Variants in ISLR2 observed in about 807,000 individuals in gnomAD.
The protein encoded by ISLR2 is immunoglobulin superfamily containing leucine rich repeat 2.
In ISLR2, 16 loss-of-function variants were observed where a neutral mutation model predicts 25.5. That is an observed-to-expected ratio of 0.63 (90% CI 0.43 to 0.95). ISLR2 has a LOEUF of 0.95. Among genes scored for constraint, ISLR2 ranks in the 40% least tolerant of loss-of-function variants. ISLR2 has a pLI of 0.00. For missense variants in ISLR2, 883 were observed against 1,030.7 expected (o/e 0.86, Z 1.96); for synonymous variants, 508 against 486.6 (o/e 1.04, Z -0.58).
intron 2 of ISLR2, among the ~76,000 whole-genome samples, chr15:74,110,073 A>G (rs1384775353): frequency 6.6e-6 from 1 of 152,182 alleles, no homozygotes; most frequent in Non-Finnish European, 1.5e-5. Flanking sequence ...CTTTTTAAAT[A>G]CATGTATTTA....
upstream of ISLR2, chr15:74,129,206 A>C (rs1318754850): frequency 5.3e-6 from 2 of 377,462 alleles, no homozygotes. This position sits in a 1 kb window ranked among gnomAD's most constrained non-coding sequence, Gnocchi z 4.5. Flanking sequence ...TAGCGACGGC[A>C]GGAGTAGGGG....
chr15:74,102,553 C>A (rs1020411054), intron 1 of ISLR2, among the ~76,000 whole-genome samples: 1 of 150,742 alleles, frequency 6.6e-6, no homozygotes, highest in Admixed American at 6.6e-5. Context: ...ACTTGCAAGG[C>A]TTGTGAAATG....
chr15:74,123,131 G>T (rs1384686859), upstream of ISLR2, among the ~76,000 whole-genome samples: 6 of 152,112 alleles, frequency 3.9e-5, no homozygotes, highest in African/African-American at 1.2e-4. Flanking sequence ...AGAGCCTTTG[G>T]TAAGTGTTTT....
At position 74,133,653 on chromosome 15, in the gene ISLR2, G is replaced by T; in HGVS notation, c.899G>T (p.Gly300Val). 6.2e-7 allele frequency: 1 copy of T among 1,612,312 alleles called. No homozygotes were observed. The highest frequency in any genetic ancestry group is 8.5e-7 in the Non-Finnish European group (1 of 1,179,296). Reference protein sequence around the residue: ...GEDDGVGAEEGEGEGDGDLLT... With the variant: ...GEDDGVGAEEVEGEGDGDLLT... ...GACGACGGGGTTGGGGCGGAGGAAG[G>T]AGAGGGAGAAGGAGATGGGGATTTG... The change falls in exon 3 of 3, where the codon GGA becomes GTA. Residue 300 changes from glycine (G) to valine (V), a missense_variant. By Grantham distance (109) the Gly-to-Val change is moderately radical. Around this residue, in one of 2 missense-constraint regions of ISLR2, gnomAD observed 612 missense variants for 642.8 expected, o/e 0.95. Coordinates refer to ENST00000453268, the MANE Select transcript of ISLR2 (RefSeq NM_020851.3).
intron 2 of ISLR2, chr15:74,131,873 T>C (rs1165362058): frequency 6.6e-6 from 1 of 152,258 alleles, no homozygotes; most frequent in Non-Finnish European, 1.5e-5. Context: ...TGGCCTTAGA[T>C]GCAGTAGGGC....
downstream of ISLR2, among the ~76,000 whole-genome samples, chr15:74,139,199 A>G (rs553902575): frequency 1.3e-3 from 204 of 152,182 alleles, 3 homozygotes; most frequent in South Asian, 0.01. Context: ...GGCTCCAACC[A>G]CAGGTAGGAA....
downstream of ISLR2, among the ~76,000 whole-genome samples, chr15:74,137,943 CTTTTT>C (rs1043527263): frequency 1.3e-5 from 2 of 150,068 alleles, no homozygotes. Context: ...TGTTTTCTTT[CTTTTT>C]TTTTTATTTT....
intron 2 of ISLR2, chr15:74,131,966 C>G (rs2072430776): frequency 6.6e-6 from 1 of 152,262 alleles, no homozygotes; most frequent in Admixed American, 6.5e-5. Flanking sequence ...GTTTCGGTCA[C>G]AGTGGAGGGC....
Position 74,134,924 on chromosome 15 carries a change from C to A in ISLR2, c.2170C>A (p.Pro724Thr), listed in dbSNP as rs76616042. The part of the protein sequence containing the change: ...EAGSEYSDRL[P>T]LGAEAVNIAQ... Reference sequence around the variant, plus strand: ...GGGCTCTGAGTACAGCGATCGGCTGCCCCTGGGCGCCGAGGCGGTCAACAT... The same window carrying A: ...GGGCTCTGAGTACAGCGATCGGCTGACCCTGGGCGCCGAGGCGGTCAACAT... Residue 724 changes from proline to threonine, a missense_variant, in exon 3 of 3, where the codon CCC (proline) becomes ACC (threonine). Transcript: ENST00000453268. The A allele has an allele frequency of 6.2e-7, 1 of 1,613,438 alleles. No individual in the cohort carries two copies. Among genetic ancestry groups the A allele is most frequent in the Non-Finnish European group, 8.5e-7 (1 of 1,179,944 alleles).
At chr15:74,103,978 A>G (rs964286395) in intron 2 of ISLR2, 5 of 152,140 alleles carry the variant, frequency 3.3e-5, no homozygotes, top group Non-Finnish European at 5.9e-5. Context: ...TCTTTTCTTT[A>G]TAAATTACCC....
At chr15:74,111,223 GA>G (rs890849362) in intron 2 of ISLR2, among the ~76,000 whole-genome samples, 8 of 148,750 alleles carry the variant, frequency 5.4e-5, no homozygotes, top group Non-Finnish European at 1.0e-4. Context: ...TTGCTGAGTA[GA>G]AAAAAAAAGC....
rs1271757410 is a variant in ISLR2, at chr15:74,134,254, G to A, written c.1500G>A (p.Val500=). ...ALDVAEREAR[V]QLTPLAARWG... ...ATGTGGCGGAGCGCGAGGCGCGGGT[G>A]CAGCTGACTCCGCTGGCTGCGCGCT... Residue 500 remains valine (V), a synonymous_variant, in exon 3 of 3, where the codon GTG becomes GTA. Coordinates refer to ENST00000453268, the MANE Select transcript of ISLR2 (RefSeq NM_020851.3). 6.4e-7 allele frequency: 1 copy of A among 1,574,732 alleles called. No individual in the cohort carries two copies. Among genetic ancestry groups the A allele is most frequent in the African/African-American group, 1.4e-5 (1 of 74,044 alleles).
chr15:74,133,969 C>T lies in ISLR2; in HGVS notation c.1215C>T (p.Gly405=). The change falls in exon 3 of 3, where the codon GGC becomes GGT. Residue 405 remains glycine (G), a synonymous_variant. Transcript: ENST00000453268. The stretch of plus-strand genomic sequence containing the variant: ...GCAAGTCCACAGCCAAGGGCCGGGG[C>T]AACAGCGTCCTGCCTTCCAAACCCG... ...SERKSTAKGR[G]NSVLPSKPEG... The T allele has an allele frequency of 6.2e-7, 1 of 1,609,602 alleles. No homozygotes were observed. The highest frequency in any genetic ancestry group is 1.3e-5 in the African/African-American group (1 of 74,982).
At position 74,133,033 on chromosome 15, in the gene ISLR2, C is replaced by G; in HGVS notation, c.279C>G (p.Gly93=). The change falls in exon 3 of 3, where the codon GGC becomes GGG. Residue 93 remains glycine, a synonymous_variant. Coordinates refer to ENST00000453268, the MANE Select transcript of ISLR2 (RefSeq NM_020851.3). ...AHNEVRTVEP[G]ALAVLSQLKN... Reference sequence around the variant, plus strand: ...ATGAGGTGCGCACCGTGGAGCCAGGCGCACTGGCCGTGCTGAGTCAGCTCA... The same window carrying G: ...ATGAGGTGCGCACCGTGGAGCCAGGGGCACTGGCCGTGCTGAGTCAGCTCA... The G allele has an allele frequency of 6.2e-7, 1 of 1,613,090 alleles. No individual in the cohort carries two copies. The highest frequency in any genetic ancestry group is 1.6e-4 in the Middle Eastern group (1 of 6,062).
chr15:74,140,485 C>T (rs1396179091), downstream of ISLR2, among the ~76,000 whole-genome samples: 1 of 152,126 alleles, frequency 6.6e-6, no homozygotes, highest in Non-Finnish European at 1.5e-5. Flanking sequence ...GAAAAAGGGA[C>T]CTGCTCTCTG....
downstream of ISLR2, among the ~76,000 whole-genome samples, chr15:74,139,862 G>A (rs946239038): frequency 1.0e-5 from 1 of 95,596 alleles, no homozygotes; most frequent in Non-Finnish European, 2.1e-5. Flanking sequence ...ACGGCTTGAG[G>A]AGTGTGTGTG....
chr15:74,107,631 G>A (rs765033752), intron 2 of ISLR2, among the ~76,000 whole-genome samples: 1 of 152,194 alleles, frequency 6.6e-6, no homozygotes, highest in Non-Finnish European at 1.5e-5. Flanking sequence ...CACAGAGGGA[G>A]CCACCCTTCC....
upstream of ISLR2, chr15:74,126,893 CATTTGTGTGTGTGT>C (rs2072303539): frequency 7.9e-6 from 1 of 125,852 alleles, no homozygotes; most frequent in African/African-American, 3.1e-5. Context: ...CTGGAGAGAA[CATTTGTGTGTGTGT>C]GTGTGTGTGT....
chr15:74,120,924 T>A (rs763676124), intron 2 of ISLR2, among the ~76,000 whole-genome samples: 26 of 152,114 alleles, frequency 1.7e-4, no homozygotes, highest in Admixed American at 1.3e-3. Flanking sequence ...GCTTCTTCCC[T>A]TCCTGCCCTT....
Sources: allele counts gnomAD v4.1 joint callset (sites outside exome capture counted in the v4.1 genomes callset), GRCh38; gene constraint gnomAD v4.1.1; regional missense constraint gnomAD v4.1.1; non-coding constraint Gnocchi (gnomAD v3.1); transcripts MANE v1.5; gene names NCBI Gene and HGNC (gene_info 2026-07-23, HGNC 2026-07-21).